The following SOS1 variants were observed in gnomAD, a reference collection of about 807,000 sequenced individuals.
SOS1 encodes SOS Ras/Rac guanine nucleotide exchange factor 1, also known as son of sevenless homolog 1.
SOS1 carries 25 observed loss-of-function variants against 157.6 expected under a neutral mutation model. The ratio of observed to expected loss-of-function variants is 0.16; its 90% CI spans 0.12 to 0.22. The LOEUF (loss-of-function observed/expected upper bound fraction) is 0.22, where lower values mean the gene tolerates loss of function less well. SOS1 is among the 10% of genes least tolerant of loss of function. SOS1 has a pLI of 1.00. For synonymous variants in SOS1, 528 were observed against 534.0 expected (o/e 0.99, Z 0.16); for missense variants, 1,237 against 1,599.1 (o/e 0.77, Z 3.86).
chr2:39,021,573 G>C (rs915452037), intron 10 of SOS1, among the ~76,000 whole-genome samples: 3 of 136,010 alleles, frequency 2.2e-5, no homozygotes, highest in Non-Finnish European at 4.9e-5. Flanking sequence ...TACAAACACA[G>C]AGAAAAATCT....
intron 1 of SOS1, among the ~76,000 whole-genome samples, chr2:39,073,674 A>C (rs542581487): frequency 2.6e-5 from 4 of 152,220 alleles, no homozygotes; most frequent in Admixed American, 1.3e-4. Flanking sequence ...GTGGAGTCTG[A>C]AAAGGCAAAG....
chr2:38,999,022 G>T lies in SOS1; in HGVS notation c.2792-1597C>A, dbSNP rs116060531. ...ATACTAGGAGGTGCTATATTAGTAG[G>T]AATGCATAACATGCTATGAGAGCAA... On this transcript the variant is annotated intron_variant, in intron 17 of 22. Transcript: ENST00000402219. Among the ~76,000 whole-genome samples, 846 of 152,308 alleles carry T rather than the reference G, an allele frequency of 5.6e-3. 13 individuals carry two copies. The highest frequency in any genetic ancestry group is 0.019 in the African/African-American group (779 of 41,546).
intron 20 of SOS1, among the ~76,000 whole-genome samples, chr2:38,991,290 T>G (rs1040544682): frequency 2.6e-5 from 4 of 152,026 alleles, no homozygotes; most frequent in Non-Finnish European, 4.4e-5. Flanking sequence ...TGCAAATATA[T>G]TTGGGATTAG....
upstream of SOS1, among the ~76,000 whole-genome samples, chr2:39,122,445 TATAC>T (rs1442595756): frequency 4.0e-3 from 116 of 28,796 alleles, no homozygotes; most frequent in African/African-American, 0.019. Flanking sequence ...CAAAAAAAAA[TATAC>T]ACACACACAC....
At chr2:39,123,841 G>A (rs962769310), upstream of SOS1, among the ~76,000 whole-genome samples, 5 of 152,222 alleles carry the variant, frequency 3.3e-5, no homozygotes, top group African/African-American at 4.8e-5. Flanking sequence ...GGGGTGTGCA[G>A]GTAAAAAGCG....
intron 20 of SOS1, chr2:38,993,879 A>C (rs1455348526): frequency 3.3e-5 from 5 of 152,250 alleles, no homozygotes; most frequent in Admixed American, 3.3e-4. Context: ...TGGTCATGAA[A>C]GAGTTAAAGG....
chr2:39,085,668 GAACTA>G (rs1186992060), intron 1 of SOS1, among the ~76,000 whole-genome samples: 20 of 152,168 alleles, frequency 1.3e-4, no homozygotes, highest in African/African-American at 4.1e-4. Flanking sequence ...TTTACTAGAT[GAACTA>G]AACAGATTGC....
At chr2:39,093,884 A>G (rs1672678868) in intron 1 of SOS1, among the ~76,000 whole-genome samples, 1 of 152,248 alleles carries the variant, frequency 6.6e-6, no homozygotes. Flanking sequence ...CCATGTTGCA[A>G]TTAACCTAAA....
chr2:39,035,190 T>A (rs1302597346), intron 8 of SOS1, 22 bp downstream of exon 8: 1 of 1,535,806 alleles, frequency 6.5e-7, no homozygotes, highest in Admixed American at 1.7e-5. Flanking sequence ...ATGTTACAAA[T>A]AACAATAAAG....
intron 1 of SOS1, among the ~76,000 whole-genome samples, chr2:39,076,995 T>C (rs772220558): frequency 3.9e-5 from 6 of 152,138 alleles, no homozygotes; most frequent in Admixed American, 1.3e-4. Flanking sequence ...TTAATGATAG[T>C]TGCAAAAATA....
In SOS1 at chr2:39,120,474, A is replaced by C. The variant is rs773862183; in HGVS notation, c.-52T>G. On this transcript the variant is annotated 5_prime_UTR_variant, in exon 1 of 23. Transcript: ENST00000402219. ...GGAGAGGGGCGGCGGCGGCCGGGCC[A>C]GGGAGCCGCGAGAGGGCGAGCTCGC... is the stretch of plus-strand genomic sequence containing the variant. The C allele has an allele frequency of 1.4e-6, 2 of 1,481,254 alleles. No individual in the cohort carries two copies. Among genetic ancestry groups the C allele is most frequent in the South Asian group, 1.3e-5 (1 of 78,966 alleles). 91.8% of individuals were successfully genotyped at this position (1,481,254 alleles called of 1,614,324 possible).
At chr2:39,015,013 C>A (rs1252025761) in intron 10 of SOS1, among the ~76,000 whole-genome samples, 167 bp from the exon 11 acceptor site, 1 of 152,084 alleles carries the variant, frequency 6.6e-6, no homozygotes, top group Non-Finnish European at 1.5e-5. Context: ...TTAGTGCCTC[C>A]TAAATTAGTG....
At chr2:39,058,921 A>C (rs1453955393) in intron 2 of SOS1, 117 bp from the exon 3 acceptor site, 1 of 767,826 alleles carries the variant, frequency 1.3e-6, no homozygotes, top group African/African-American at 1.8e-5. Flanking sequence ...ATGTGGTATA[A>C]TTTACATTAC....
chr2:39,023,366 C>A, intron 9 of SOS1, 141 bp from the exon 10 acceptor site: 1 of 588,814 alleles, frequency 1.7e-6, no homozygotes, highest in Non-Finnish European at 2.8e-6. Context: ...ATTAGAATTA[C>A]AAAATTACAC....
At chr2:39,089,955 C>T (rs7588123) in intron 1 of SOS1, among the ~76,000 whole-genome samples, 5,302 of 142,570 alleles carry the variant, frequency 0.037, 299 homozygotes, top group African/African-American at 0.12. Flanking sequence ...GGTGAAATCC[C>T]GTCTCTACTA....
At chr2:39,013,406 C>T (rs745371979) in intron 13 of SOS1, 54 bp downstream of exon 13, 46 of 974,914 alleles carry the variant, frequency 4.7e-5, no homozygotes, top group Non-Finnish European at 6.4e-5. Flanking sequence ...TGATAGTCAC[C>T]GTGTTGGTAC....
At chr2:39,004,221 T>C (rs867221768) in intron 17 of SOS1, among the ~76,000 whole-genome samples, 61 of 151,976 alleles carry the variant, frequency 4.0e-4, no homozygotes, top group Admixed American at 2.1e-3. Flanking sequence ...CAAGACCATC[T>C]TGGCTAACAC....
chr2:39,072,298 T>C (rs1255596415), intron 1 of SOS1, among the ~76,000 whole-genome samples: 1 of 152,200 alleles, frequency 6.6e-6, no homozygotes, highest in African/African-American at 2.4e-5. Flanking sequence ...TCTCCTTGCT[T>C]TTCACTCTAA....
intron 8 of SOS1, among the ~76,000 whole-genome samples, chr2:39,032,401 A>G (rs977556930): frequency 5.3e-5 from 8 of 152,206 alleles, no homozygotes; most frequent in Non-Finnish European, 7.3e-5. Context: ...CATTCTACCT[A>G]AGTTTCCAAA....
Sources: allele counts gnomAD v4.1 joint callset (sites outside exome capture counted in the v4.1 genomes callset), GRCh38; gene constraint gnomAD v4.1.1; transcripts MANE v1.5; gene names NCBI Gene and HGNC (gene_info 2026-07-23, HGNC 2026-07-21).